Variants in ZNF763 observed in about 807,000 individuals in gnomAD.
The protein encoded by ZNF763 is zinc finger protein 763, also known as DNA-binding protein.
Under a neutral mutation model 38.0 loss-of-function variants are expected in ZNF763, and 33 were observed. That is an observed-to-expected ratio of 0.87 (90% CI 0.66 to 1.16). The LOEUF is 1.16. Ranked by LOEUF, ZNF763 falls within the 50% of genes most tolerant of loss-of-function variation. ZNF763 has a pLI of 0.00. For missense variants in ZNF763, 423 were observed against 469.1 expected (o/e 0.90, Z 0.91); for synonymous variants, 155 against 160.1 (o/e 0.97, Z 0.24).
chr19:11,972,385 A>C (rs1973370997), intron 1 of ZNF763, among the ~76,000 whole-genome samples: 1 of 152,232 alleles, frequency 6.6e-6, no homozygotes, highest in Non-Finnish European at 1.5e-5. Flanking sequence ...TGTGGCTGAT[A>C]ATTGAAATTC....
chr19:11,974,131 TTTCTTTC>T (rs1568308514), intron 1 of ZNF763, among the ~76,000 whole-genome samples: 15 of 95,332 alleles, frequency 1.6e-4, no homozygotes, highest in African/African-American at 7.8e-4. Flanking sequence ...CTTTCTTTTC[TTTCTTTC>T]TTTCTTTCTT....
chr19:11,970,541 T>C (rs1973329712), intron 1 of ZNF763, among the ~76,000 whole-genome samples: 1 of 152,258 alleles, frequency 6.6e-6, no homozygotes, highest in Admixed American at 6.5e-5. Flanking sequence ...GAGTAGTAGA[T>C]TGATTATTCT....
At position 11,966,575 on chromosome 19, in the gene ZNF763, T is replaced by C. The variant is rs541092486; in HGVS notation, c.3+1364T>C. Among the ~76,000 whole-genome samples, 23 of 152,248 alleles carry C rather than the reference T, an allele frequency of 1.5e-4. No homozygotes were observed. In the East Asian group the frequency reaches 3.9e-3, roughly 26 times the overall value. On this transcript the variant is annotated intron_variant, in intron 1 of 3. Transcript: ENST00000358987. Reference sequence around the variant, plus strand: ...TTTTAGTAAAGATTGGGCTTCACCATGTTGGCCAGGCTATTCTCAAACTCC... The same window carrying C: ...TTTTAGTAAAGATTGGGCTTCACCACGTTGGCCAGGCTATTCTCAAACTCC...
chr19:11,977,800 G>A (rs72988676), intron 3 of ZNF763, among the ~76,000 whole-genome samples: 2,873 of 152,306 alleles, frequency 0.019, 35 homozygotes, highest in African/African-American at 0.026. Context: ...AAAGGCTGTG[G>A]TAAGCAATGA....
chr19:11,965,262 C>T, intron 1 of ZNF763, 51 bp downstream of exon 1: 1 of 1,612,112 alleles, frequency 6.2e-7, no homozygotes, highest in Non-Finnish European at 8.5e-7. Context: ...CTGCCTGGAA[C>T]CGGCCGGAAC....
intron 1 of ZNF763, among the ~76,000 whole-genome samples, chr19:11,968,669 G>A: frequency 6.6e-6 from 1 of 152,078 alleles, no homozygotes; most frequent in Non-Finnish European, 1.5e-5. Context: ...CAACATGATA[G>A]CCATGGAGTC....
rs933062181 is a variant in ZNF763, at chr19:11,965,348, C to T, written c.3+137C>T. 1.4e-5 allele frequency: 17 copies of T among 1,180,648 alleles called. No individual in the cohort carries two copies. In the African/African-American group the frequency reaches 2.0e-4, roughly 14 times the overall value. 73.1% of individuals were successfully genotyped at this position (1,180,648 alleles called of 1,614,324 possible). On this transcript the variant is annotated intron_variant, in intron 1 of 3. Coordinates refer to ENST00000358987, the MANE Select transcript of ZNF763 (RefSeq NM_001367172.2). ...CCGAGTCCTCCTGGAGCTGCTCGGC[C>T]CTCGGTCCCCTCGGCCGCTGGATGG...
chr19:11,977,965 T>G, intron 3 of ZNF763, 151 bp from the exon 4 acceptor site: 1 of 930,466 alleles, frequency 1.1e-6, no homozygotes, highest in Non-Finnish European at 1.6e-6. Context: ...CTATGTCACC[T>G]TGTAGAACAT....
At position 11,979,867 on chromosome 19, in the gene ZNF763, C is replaced by T. The variant is rs1436726133; in HGVS notation, c.*758C>T. ...GAATTCATGAAAGGACACAAACACA[C>T]GTAAGAATGCACTCTGTAGAAAGAC... On this transcript the variant is annotated 3_prime_UTR_variant, in exon 4 of 4. Coordinates refer to ENST00000358987, the MANE Select transcript of ZNF763 (RefSeq NM_001367172.2). 21 of 1,467,698 alleles carry T rather than the reference C, an allele frequency of 1.4e-5. No individual in the cohort carries two copies. Among genetic ancestry groups the T allele is most frequent in the Admixed American group, 5.1e-5 (3 of 58,720 alleles). The allele number at this position is 1,467,698 out of a possible 1,614,324, so 90.9% of individuals were successfully genotyped here.
chr19:11,978,775 A>G lies in ZNF763; in HGVS notation c.851A>G (p.Tyr284Cys), dbSNP rs1005888956. 2 of 1,614,076 alleles carry G rather than the reference A, an allele frequency of 1.2e-6. No homozygotes were observed. Among genetic ancestry groups the G allele is most frequent in the Non-Finnish European group, 1.7e-6 (2 of 1,180,034 alleles). Residue 284 changes from tyrosine (Y) to cysteine (C), a missense_variant, in exon 4 of 4, where the codon TAT becomes TGT. By Grantham distance (194) the Tyr-to-Cys change is radical. Coordinates refer to ENST00000358987, the MANE Select transcript of ZNF763 (RefSeq NM_001367172.2). ...HKRTHTGGKPYECKQCGKSFS... is the reference protein window; with the variant it reads ...HKRTHTGGKPCECKQCGKSFS... ...AGAACCCACACTGGGGGAAAGCCAT[A>G]TGAATGTAAACAATGTGGCAAATCC...
chr19:11,968,832 A>G (rs1973292935), intron 1 of ZNF763, among the ~76,000 whole-genome samples: 1 of 152,238 alleles, frequency 6.6e-6, no homozygotes, highest in African/African-American at 2.4e-5. Flanking sequence ...CCAGCCTGGC[A>G]ACATAGTGAG....
intron 1 of ZNF763, among the ~76,000 whole-genome samples, chr19:11,974,117 CT>C (rs1456490229): frequency 2.5e-5 from 2 of 79,634 alleles, no homozygotes; most frequent in African/African-American, 1.0e-4. Context: ...TTCTTTCTTT[CT>C]TTCTTTCTTT....
chr19:11,976,861 C>T (rs1370086247), intron 1 of ZNF763, 177 bp from the exon 2 acceptor site: 5 of 1,454,572 alleles, frequency 3.4e-6, no homozygotes, highest in African/African-American at 1.4e-5. Flanking sequence ...AAATCCATCT[C>T]AAAACAACAA....
At position 11,980,433 on chromosome 19, in the gene ZNF763, A is replaced by G. The variant is rs1202180107; in HGVS notation, c.*1324A>G. 1.3e-5 allele frequency: 2 copies of G among 156,608 alleles called. No homozygotes were observed. Among genetic ancestry groups the G allele is most frequent in the Non-Finnish European group, 2.8e-5 (2 of 71,716 alleles). The allele number at this position is 156,608 out of a possible 1,614,324, so 9.7% of individuals were successfully genotyped here. On this transcript the variant is annotated 3_prime_UTR_variant, in exon 4 of 4. Transcript: ENST00000358987. ...CTTGTGGTGAGGGGATGTCAGCTCTAGACTCCTGGAGCTGTTTTTGCCTTA... is the reference window on the plus strand; with the variant it reads ...CTTGTGGTGAGGGGATGTCAGCTCTGGACTCCTGGAGCTGTTTTTGCCTTA...
chr19:11,965,534 G>A (rs1367788244), intron 1 of ZNF763, among the ~76,000 whole-genome samples: 1 of 152,252 alleles, frequency 6.6e-6, no homozygotes, highest in Non-Finnish European at 1.5e-5. Flanking sequence ...ATCCTGACTC[G>A]TGTGTAGGGT....
At chr19:11,970,559 A>G (rs1268718436) in intron 1 of ZNF763, among the ~76,000 whole-genome samples, 1 of 152,258 alleles carries the variant, frequency 6.6e-6, no homozygotes, top group Non-Finnish European at 1.5e-5. Flanking sequence ...TCTCCTGTAG[A>G]TAACCATTTG....
Position 11,979,322 on chromosome 19 carries a change from G to A in ZNF763, c.*213G>A, listed in dbSNP as rs117912042. 5.1e-3 allele frequency: 8,251 copies of A among 1,605,074 alleles called. 127 individuals carry two copies. Among genetic ancestry groups the A allele is most frequent in the Middle Eastern group, 0.036 (218 of 6,004 alleles). On this transcript the variant is annotated 3_prime_UTR_variant, in exon 4 of 4. Coordinates refer to ENST00000358987, the MANE Select transcript of ZNF763 (RefSeq NM_001367172.2). ...GCCTTCAGATGTGCCCCACACCTTC[G>A]AAGGCATGGTAGGACTCACTGGAGA... is the stretch of plus-strand genomic sequence containing the variant.
chr19:11,978,812 T>C lies in ZNF763; in HGVS notation c.888T>C (p.Cys296=). ...CKQCGKSFSW[C]HSFQIHERTH... is the part of the protein sequence containing the mutation. ...AATGTGGCAAATCCTTCAGTTGGTG[T>C]CATTCCTTTCAAATACATGAAAGAA... Residue 296 remains cysteine, a synonymous_variant, in exon 4 of 4, where the codon TGT becomes TGC. Coordinates refer to ENST00000358987, the MANE Select transcript of ZNF763 (RefSeq NM_001367172.2). The C allele has an allele frequency of 6.2e-7, 1 of 1,614,096 alleles. No homozygotes were observed. Among genetic ancestry groups the C allele is most frequent in the Non-Finnish European group, 8.5e-7 (1 of 1,180,002 alleles).
intron 1 of ZNF763, among the ~76,000 whole-genome samples, chr19:11,975,855 T>C (rs1157512374): frequency 6.6e-6 from 1 of 151,984 alleles, no homozygotes; most frequent in African/African-American, 2.4e-5. Context: ...CCTGGATATA[T>C]ACACCTGGAT....
Sources: gnomAD v4.1 joint callset for allele counts (sites outside exome capture counted in the v4.1 genomes callset) on GRCh38, gnomAD v4.1.1 for gene constraint, MANE v1.5 for transcripts, NCBI Gene and HGNC (gene_info 2026-07-23, HGNC 2026-07-21) for gene names.